VASH2: variants seen among roughly 807,000 people sequenced by gnomAD.
The protein encoded by VASH2 is vasohibin 2, also known as tubulinyl-Tyr carboxypeptidase 2.
A neutral mutation model predicts 37.2 loss-of-function variants in VASH2; 28 were observed. That is an observed-to-expected ratio of 0.75 (90% CI 0.56 to 1.03). The LOEUF is 1.03. VASH2 is among the 50% of genes least tolerant of loss of function. VASH2 has a pLI of 0.00. For synonymous variants in VASH2, 188 were observed against 174.7 expected, an observed-to-expected ratio of 1.08 and a Z score of -0.60; for missense variants, 419 against 459.1, an observed-to-expected ratio of 0.91 and a Z score of 0.80.
At chr1:212,981,906 T>G (rs1667350056) in intron 7 of VASH2, among the ~76,000 whole-genome samples, 1 of 152,240 alleles carries the variant, frequency 6.6e-6, no homozygotes, top group Non-Finnish European at 1.5e-5. Context: ...TTCTGAGGCT[T>G]CTTGTGGCTG....
intron 7 of VASH2, among the ~76,000 whole-genome samples, chr1:212,985,664 A>C (rs564593163): frequency 6.7e-6 from 1 of 149,838 alleles, no homozygotes; most frequent in Non-Finnish European, 1.5e-5. Context: ...TGATCCACCC[A>C]CCTCAGCCTC....
chr1:212,961,339 T>G, intron 3 of VASH2, 85 bp downstream of exon 3: 1 of 1,602,850 alleles, frequency 6.2e-7, no homozygotes, highest in Non-Finnish European at 8.5e-7. Flanking sequence ...TGTCCCCAGC[T>G]GGTCATCAAA....
chr1:212,985,397 C>A (rs562970680), intron 7 of VASH2, among the ~76,000 whole-genome samples: 1 of 150,094 alleles, frequency 6.7e-6, no homozygotes, highest in Non-Finnish European at 1.5e-5. Context: ...CTTCCTGCTG[C>A]GCTGCCATCT....
intron 7 of VASH2, among the ~76,000 whole-genome samples, chr1:212,977,546 G>A (rs1354064149): frequency 6.6e-6 from 1 of 152,062 alleles, no homozygotes; most frequent in Admixed American, 6.5e-5. Flanking sequence ...GGTGGTGGGT[G>A]GGGGAGAGGG....
Position 212,951,389 on chromosome 1 carries a change from CT to C in VASH2, c.-152del. On this transcript the variant is annotated 5_prime_UTR_variant, in exon 2 of 8. Coordinates refer to ENST00000517399, the MANE Select transcript of VASH2 (RefSeq NM_001301056.2). The surrounding 1 kb of genome is among the most constrained non-coding windows in gnomAD (Gnocchi z 4.4). ...CGCGGAGCTCCCGCCGCCGCTCCCCCTTGGTGAGTCCTGCCGCAGCGAGAGG... is the reference window on the plus strand; with the variant it reads ...CGCGGAGCTCCCGCCGCCGCTCCCCCTGGTGAGTCCTGCCGCAGCGAGAGG... 3.6e-6 allele frequency: 1 copy of C among 275,436 alleles called. No individual in the cohort carries two copies. The highest frequency in any genetic ancestry group is 5.6e-6 in the Non-Finnish European group (1 of 178,302). 17.1% of individuals were successfully genotyped at this position (275,436 alleles called of 1,614,324 possible).
At chr1:212,959,004 C>G (rs1209292058) in intron 2 of VASH2, among the ~76,000 whole-genome samples, 2 of 152,178 alleles carry the variant, frequency 1.3e-5, no homozygotes, top group African/African-American at 4.8e-5. Context: ...GCTGGGATTA[C>G]AGGCGTCAGC....
At chr1:212,965,412 A>G (rs1213320013) in intron 3 of VASH2, among the ~76,000 whole-genome samples, 5 of 152,194 alleles carry the variant, frequency 3.3e-5, no homozygotes, top group Admixed American at 3.3e-4. Flanking sequence ...AAAGAATAGT[A>G]CCAGCTCTCA....
Position 212,973,765 on chromosome 1 carries a change from T to C in VASH2, c.880-190T>C, listed in dbSNP as rs1412703481. On this transcript the variant is annotated intron_variant, in intron 6 of 7. Coordinates refer to ENST00000517399, the MANE Select transcript of VASH2 (RefSeq NM_001301056.2). ...TCTGTCTTGGAAGTGGTGCCCTTGC[T>C]GCTTGACAGTACAGGACGAGAGAGG... The C allele has an allele frequency of 4.4e-6, 6 of 1,377,216 alleles. No individual in the cohort carries two copies. In the East Asian group the frequency reaches 1.7e-4, roughly 39 times the overall value. The allele number at this position is 1,377,216 out of a possible 1,614,324, so 85.3% of individuals were successfully genotyped here. A position where few individuals can be genotyped will look rare whatever the true frequency, so the allele number is the denominator to read the frequency against.
intron 7 of VASH2, among the ~76,000 whole-genome samples, chr1:212,986,047 C>A (rs931728355): frequency 6.6e-6 from 1 of 151,946 alleles, no homozygotes. Context: ...GCACACAGAT[C>A]GTTAGATAAA....
intron 2 of VASH2, among the ~76,000 whole-genome samples, chr1:212,957,777 A>G (rs1416610219): frequency 6.6e-6 from 1 of 151,874 alleles, no homozygotes; most frequent in Non-Finnish European, 1.5e-5. Context: ...TGCCCAGCTG[A>G]TTTTTGTATT....
chr1:212,982,476 C>T (rs1667366363), intron 7 of VASH2, among the ~76,000 whole-genome samples: 1 of 152,136 alleles, frequency 6.6e-6, no homozygotes, highest in Admixed American at 6.5e-5. Flanking sequence ...AATCATCATC[C>T]TAGTGCTCGT....
rs566176275 is a variant in VASH2, at chr1:212,988,853, A to G, written c.*269A>G. 9 of 400,562 alleles carry G rather than the reference A, an allele frequency of 2.2e-5. No individual in the cohort carries two copies. Among genetic ancestry groups the G allele is most frequent in the Admixed American group, 1.4e-4 (4 of 27,620 alleles). The allele number at this position is 400,562 out of a possible 1,614,324, so 24.8% of individuals were successfully genotyped here. A position where few individuals can be genotyped will look rare whatever the true frequency, so the allele number is the denominator to read the frequency against. On this transcript the variant is annotated 3_prime_UTR_variant, in exon 8 of 8. Coordinates refer to ENST00000517399, the MANE Select transcript of VASH2 (RefSeq NM_001301056.2). ...TAAGGATAACCGTAACTGAAGTTTT[A>G]TATTTTTCCATTTACCTACTTTCTT...
intron 2 of VASH2, among the ~76,000 whole-genome samples, chr1:212,959,268 G>A (rs546013901): frequency 6.7e-6 from 1 of 149,426 alleles, no homozygotes; most frequent in East Asian, 1.9e-4. Context: ...GACTTGCTCT[G>A]TGTGTGTGTG....
chr1:212,967,380 A>G, intron 5 of VASH2: 1 of 1,202,484 alleles, frequency 8.3e-7, no homozygotes, highest in Non-Finnish European at 1.1e-6. Flanking sequence ...GATCTGCCAC[A>G]ATCAGATAGA....
rs575935195 is a variant in VASH2, at chr1:212,972,547, C to T, written c.498-33C>T. The T allele has an allele frequency of 3.1e-6, 5 of 1,592,238 alleles. No homozygotes were observed. The Admixed American group carries it at 7.6e-5, about 24-fold the overall frequency. On this transcript the variant is annotated intron_variant, in intron 5 of 7. Transcript: ENST00000517399. ...CATCCAGGCTTCAAATTTTCAAGGCCTCCTTTCTCTTCCTTGACTCAGATT... is the reference window on the plus strand; with the variant it reads ...CATCCAGGCTTCAAATTTTCAAGGCTTCCTTTCTCTTCCTTGACTCAGATT...
rs941578223 is a variant in VASH2, at chr1:212,988,952, A to G, written c.*368A>G. 1 of 223,914 alleles carries G rather than the reference A, an allele frequency of 4.5e-6. No homozygotes were observed. The highest frequency in any genetic ancestry group is 2.2e-5 in the African/African-American group (1 of 44,682). 13.9% of individuals were successfully genotyped at this position (223,914 alleles called of 1,614,324 possible). A position where few individuals can be genotyped will look rare whatever the true frequency, so the allele number is the denominator to read the frequency against. ...TAATCTCTTGAACTTTTGGTATAGTAAGGTAACTCTAACAGTATTACTGTC... is the reference window on the plus strand; with the variant it reads ...TAATCTCTTGAACTTTTGGTATAGTGAGGTAACTCTAACAGTATTACTGTC... On this transcript the variant is annotated 3_prime_UTR_variant, in exon 8 of 8. Coordinates refer to ENST00000517399, the MANE Select transcript of VASH2 (RefSeq NM_001301056.2).
chr1:212,977,088 T>C (rs1667198520), intron 7 of VASH2, among the ~76,000 whole-genome samples: 1 of 152,002 alleles, frequency 6.6e-6, no homozygotes, highest in Non-Finnish European at 1.5e-5. Context: ...CACTATGCAC[T>C]GAGGTGACAT....
chr1:212,967,038 C>T (rs1187024337), intron 5 of VASH2: 4 of 1,231,840 alleles, frequency 3.2e-6, no homozygotes, highest in Admixed American at 4.6e-5. Flanking sequence ...AGCCATCGCG[C>T]CTGGCTCGCC....
rs974240142 is a variant in VASH2 at position 212,989,164 on chromosome 1, G to A, written c.*580G>A. ...GAGTTTTTTCCTGGTGCACACACGTGAGGAGATTTAAGGTACTATATGCAA... is the reference window on the plus strand; with the variant it reads ...GAGTTTTTTCCTGGTGCACACACGTAAGGAGATTTAAGGTACTATATGCAA... On this transcript the variant is annotated 3_prime_UTR_variant, in exon 8 of 8. Coordinates refer to ENST00000517399, the MANE Select transcript of VASH2 (RefSeq NM_001301056.2). 2 of 154,540 alleles carry A rather than the reference G, an allele frequency of 1.3e-5. No homozygotes were observed. Among genetic ancestry groups the A allele is most frequent in the Admixed American group, 1.3e-4 (2 of 15,706 alleles). 9.6% of individuals were successfully genotyped at this position (154,540 alleles called of 1,614,324 possible).
Sources: gnomAD v4.1 joint callset for allele counts (sites outside exome capture counted in the v4.1 genomes callset) on GRCh38, gnomAD v4.1.1 for gene constraint, Gnocchi (gnomAD v3.1) non-coding constraint, MANE v1.5 for transcripts, NCBI Gene and HGNC (gene_info 2026-07-23, HGNC 2026-07-21) for gene names.